The following NUP210L variants were observed in gnomAD, a reference collection of about 807,000 sequenced individuals.
NUP210L encodes nucleoporin 210 like.
A neutral mutation model predicts 208.5 loss-of-function variants in NUP210L; 74 were observed. That is an observed-to-expected ratio of 0.35 (90% CI 0.29 to 0.43). The LOEUF (loss-of-function observed/expected upper bound fraction) is 0.43. Ranked by LOEUF, NUP210L falls within the 20% of genes least tolerant of loss-of-function variation. NUP210L has a pLI of 1.00. For synonymous variants in NUP210L, 780 were observed against 816.9 expected, an observed-to-expected ratio of 0.95 and a Z score of 0.77; for missense variants, 1,843 against 2,289.4, an observed-to-expected ratio of 0.81 and a Z score of 3.98.
chr1:154,054,261 A>G, exon 25 of NUP210L: 1 of 1,614,172 alleles, frequency 6.2e-7, no homozygotes, highest in East Asian at 2.2e-5. Context: ...CAGTATCTTC[A>G]TTTACTGTCT....
intron 23 of NUP210L, 50 bp downstream of exon 23, chr1:154,056,765 T>C (rs1173315072): frequency 6.6e-7 from 1 of 1,518,926 alleles, no homozygotes; most frequent in East Asian, 2.4e-5. Context: ...AAAAGACAAA[T>C]GATGTTAAGC....
At chr1:154,032,946 G>GA (rs1557928668) in intron 27 of NUP210L, among the ~76,000 whole-genome samples, 105 of 64,392 alleles carry the variant, frequency 1.6e-3, no homozygotes, top group African/African-American at 8.1e-3. Flanking sequence ...TCAAAAGAAA[G>GA]AAAGAAGAAA....
rs1653520861 is a variant in NUP210L, at chr1:154,051,882, T to C, written c.3483+2346A>G. 2.0e-5 allele frequency among the ~76,000 whole-genome samples: 3 copies of C among 152,378 alleles called. No homozygotes were observed. The South Asian group carries it at 6.2e-4, about 32-fold the overall frequency. On this transcript the variant is annotated intron_variant, in intron 25 of 39. Transcript: ENST00000368559. ...TTAAAACAGATAATGCCCCAGGCTA[T>C]AGTAGCCAAGCTCTAGCTACATTTT...
intron 27 of NUP210L, among the ~76,000 whole-genome samples, chr1:154,032,018 C>T (rs750798380): frequency 1.3e-5 from 2 of 152,252 alleles, no homozygotes; most frequent in African/African-American, 2.4e-5. Context: ...GTGTGAGTTA[C>T]GGCGCCCAGC....
At chr1:154,107,405 C>T (rs947938639) in intron 12 of NUP210L, among the ~76,000 whole-genome samples, 48 of 146,874 alleles carry the variant, frequency 3.3e-4, no homozygotes, top group Non-Finnish European at 6.5e-4. Context: ...ACCTGGGAGG[C>T]AGAGCTTGCA....
intron 34 of NUP210L, among the ~76,000 whole-genome samples, chr1:154,011,018 C>G (rs1650882266): frequency 1.3e-5 from 2 of 152,088 alleles, no homozygotes; most frequent in South Asian, 4.1e-4. Flanking sequence ...AACTTCATCA[C>G]AAGTGGTGCC....
At chr1:153,995,148 A>G (rs1354032288) in exon 38 of NUP210L, 1 of 1,614,030 alleles carries the variant, frequency 6.2e-7, no homozygotes, top group Admixed American at 1.7e-5. Flanking sequence ...GAGCCAGTGA[A>G]CCGCTTGAGG....
At chr1:154,058,522 A>G (rs1177954904) in intron 21 of NUP210L, 43 bp downstream of exon 21, 2 of 1,600,512 alleles carry the variant, frequency 1.2e-6, no homozygotes, top group African/African-American at 1.3e-5. Context: ...GGTAGTGAGA[A>G]TAAGTCTTGC....
chr1:154,112,905 C>T (rs1657113215), intron 12 of NUP210L, among the ~76,000 whole-genome samples: 1 of 150,400 alleles, frequency 6.6e-6, no homozygotes, highest in Admixed American at 6.7e-5. Flanking sequence ...GGCTATAATC[C>T]TAGCGCTTTG....
intron 2 of NUP210L, among the ~76,000 whole-genome samples, chr1:154,145,134 T>G (rs1254268347): frequency 6.8e-6 from 1 of 146,668 alleles, no homozygotes; most frequent in African/African-American, 2.5e-5. Context: ...AAATTAAACA[T>G]TGGCTGGGCG....
chr1:154,013,018 A>AAAC (rs1213941029), intron 33 of NUP210L, among the ~76,000 whole-genome samples: 65 of 149,906 alleles, frequency 4.3e-4, no homozygotes, highest in Middle Eastern at 6.9e-3. Flanking sequence ...AAAAAAAAAA[A>AAAC]AAAAAACAAA....
intron 12 of NUP210L, among the ~76,000 whole-genome samples, chr1:154,113,163 A>ATATATAT (rs199946601): frequency 9.7e-6 from 1 of 102,658 alleles, no homozygotes; most frequent in Admixed American, 1.1e-4. Context: ...CTCTTAAAAA[A>ATATATAT]AAAAATATAT....
chr1:154,121,085 C>A (rs1049543600), intron 10 of NUP210L, among the ~76,000 whole-genome samples: 9 of 151,754 alleles, frequency 5.9e-5, no homozygotes, highest in Admixed American at 5.9e-4. Flanking sequence ...GAATTTAAAG[C>A]CCTGATGTAA....
chr1:154,030,428 G>C (rs1652149158), intron 27 of NUP210L, among the ~76,000 whole-genome samples: 1 of 151,952 alleles, frequency 6.6e-6, no homozygotes, highest in Non-Finnish European at 1.5e-5. Context: ...CTCCCTAGTA[G>C]CTGGGACTAC....
intron 14 of NUP210L, among the ~76,000 whole-genome samples, chr1:154,099,044 C>T (rs1021036200): frequency 2.0e-5 from 3 of 152,152 alleles, no homozygotes; most frequent in South Asian, 2.1e-4. Flanking sequence ...ATTGTGACAG[C>T]GCCCAGGATT....
At chr1:154,025,622 A>G in exon 30 of NUP210L, 1 of 1,613,996 alleles carries the variant, frequency 6.2e-7, no homozygotes, top group South Asian at 1.1e-5. Context: ...CCTGCAATGG[A>G]ACCAGCTTTC....
chr1:153,996,334 G>A (rs1197019490), intron 37 of NUP210L, among the ~76,000 whole-genome samples: 2 of 152,038 alleles, frequency 1.3e-5, no homozygotes, highest in East Asian at 1.9e-4. Context: ...TACCTTTCCC[G>A]TGCACTTTAA....
intron 12 of NUP210L, among the ~76,000 whole-genome samples, chr1:154,117,307 G>A (rs1250042820): frequency 6.6e-6 from 1 of 152,176 alleles, no homozygotes; most frequent in African/African-American, 2.4e-5. Context: ...CTGGCTGGGT[G>A]CAGTGGCTTA....
rs1653059092 is a variant in NUP210L at position 154,044,389 on chromosome 1, A to G, written c.3696+1680T>C. Among the ~76,000 whole-genome samples the G allele has an allele frequency of 2.0e-5, 3 of 151,174 alleles. No homozygotes were observed. In the South Asian group the frequency reaches 6.3e-4, roughly 32 times the overall value. On this transcript the variant is annotated intron_variant, in intron 27 of 39. Transcript: ENST00000368559. The stretch of plus-strand genomic sequence containing the variant: ...ACCATTGCACTCCAGCCTGGGCAAA[A>G]AGAGGGAAACTCTGTCTCAAAAAAA...
Sources: gnomAD v4.1 joint callset for allele counts (sites outside exome capture counted in the v4.1 genomes callset) on GRCh38, gnomAD v4.1.1 for gene constraint, MANE v1.5 for transcripts, NCBI Gene and HGNC (gene_info 2026-07-23, HGNC 2026-07-21) for gene names.